The following CPVL variants were observed in gnomAD, a reference collection of about 807,000 sequenced individuals.
CPVL encodes the protein carboxypeptidase vitellogenic like.
CPVL carries 51 observed loss-of-function variants against 63.7 expected under a neutral mutation model. That is an observed-to-expected ratio of 0.80 (90% CI 0.64 to 1.01). The LOEUF (loss-of-function observed/expected upper bound fraction) is 1.01, where lower values mean the gene tolerates loss of function less well. CPVL is among the 50% of genes least tolerant of loss of function. The pLI, the probability that CPVL is intolerant of heterozygous loss-of-function variation, is 0.00. For missense variants in CPVL, 530 were observed against 573.1 expected (o/e 0.92, Z 0.77); for synonymous variants, 195 against 206.0 (o/e 0.95, Z 0.46).
intron 1 of CPVL, among the ~76,000 whole-genome samples, chr7:29,143,910 G>T (rs1463118025): frequency 6.6e-6 from 1 of 152,170 alleles, no homozygotes; most frequent in Non-Finnish European, 1.5e-5. Flanking sequence ...TCTCTTAAGG[G>T]AGAGCAATCT....
upstream of CPVL, among the ~76,000 whole-genome samples, chr7:29,148,166 C>T (rs1403407): frequency 0.095 from 14,511 of 152,140 alleles, 1,565 homozygotes; most frequent in African/African-American, 0.24. Flanking sequence ...AGGCTCAGTG[C>T]CATTTGGGGA....
At chr7:29,145,127 G>T (rs245872) in intron 1 of CPVL, among the ~76,000 whole-genome samples, 95,771 of 151,298 alleles carry the variant, frequency 0.63, 30,439 homozygotes, top group East Asian at 0.69. Context: ...CAACAAAGCC[G>T]GTGCAGTGTA....
At chr7:29,086,577 CA>C (rs779662800) in intron 6 of CPVL, 27 bp from the exon 7 acceptor site, 5 of 1,487,632 alleles carry the variant, frequency 3.4e-6, no homozygotes, top group Non-Finnish European at 4.7e-6. Context: ...AAGAACAACA[CA>C]AATTAATCAG....
At chr7:29,071,250 G>A (rs939663793) in intron 9 of CPVL, among the ~76,000 whole-genome samples, 2 of 152,328 alleles carry the variant, frequency 1.3e-5, no homozygotes, top group African/African-American at 2.4e-5. Flanking sequence ...GAAAGGATAT[G>A]CACAAATACC....
At chr7:29,059,078 A>G (rs561298465) in intron 11 of CPVL, among the ~76,000 whole-genome samples, 1 of 152,162 alleles carries the variant, frequency 6.6e-6, no homozygotes, top group Non-Finnish European at 1.5e-5. Flanking sequence ...AGTTAAGGCT[A>G]TTCAAAAAAA....
intron 10 of CPVL, among the ~76,000 whole-genome samples, chr7:29,064,529 C>A (rs971340487): frequency 1.3e-5 from 2 of 152,086 alleles, no homozygotes; most frequent in Non-Finnish European, 2.9e-5. Context: ...CCATTAGCAA[C>A]CCCACTAGAG....
intron 7 of CPVL, among the ~76,000 whole-genome samples, chr7:29,080,695 C>T (rs1784625129): frequency 6.6e-6 from 1 of 151,822 alleles, no homozygotes. Flanking sequence ...GAATAAGAAA[C>T]AAACATGGCT....
chr7:29,071,729 TG>T, intron 9 of CPVL, 43 bp downstream of exon 9: 2 of 378,432 alleles, frequency 5.3e-6, no homozygotes, highest in South Asian at 2.5e-5. Flanking sequence ...CCTCCCCAGA[TG>T]GTTTTAATTG....
intron 11 of CPVL, among the ~76,000 whole-genome samples, chr7:29,054,675 A>G (rs1237567545): frequency 6.6e-6 from 1 of 151,972 alleles, no homozygotes; most frequent in Non-Finnish European, 1.5e-5. Context: ...GATATGGCAA[A>G]TTTTCAGCCA....
intron 12 of CPVL, chr7:29,011,676 T>C (rs1042237676): frequency 2.6e-5 from 4 of 151,634 alleles, no homozygotes; most frequent in African/African-American, 7.3e-5. Context: ...TTTGCTAGGA[T>C]TGCAAATGAA....
At chr7:29,106,834 C>T (rs965640767) in intron 3 of CPVL, among the ~76,000 whole-genome samples, 10 of 152,186 alleles carry the variant, frequency 6.6e-5, no homozygotes, top group African/African-American at 2.4e-4. Flanking sequence ...TAATGCCGCA[C>T]AACATCTCTC....
At chr7:29,036,452 G>A (rs888964414) in intron 11 of CPVL, among the ~76,000 whole-genome samples, 16 of 152,252 alleles carry the variant, frequency 1.1e-4, no homozygotes, top group African/African-American at 3.9e-4. Context: ...ATATAGGGAT[G>A]GTCTTTCTGT....
intron 7 of CPVL, among the ~76,000 whole-genome samples, chr7:29,073,697 T>C (rs910194160): frequency 2.0e-5 from 3 of 152,200 alleles, no homozygotes; most frequent in African/African-American, 7.2e-5. Flanking sequence ...TTAATACTTA[T>C]CATTCTCCAA....
chr7:29,087,127 T>C (rs1425516511), intron 6 of CPVL, among the ~76,000 whole-genome samples: 1 of 152,072 alleles, frequency 6.6e-6, no homozygotes, highest in Non-Finnish European at 1.5e-5. Context: ...ACACATTTAC[T>C]AAAGAATGCT....
At chr7:29,180,196 A>C (rs11974802) in intron 5 of CPVL, among the ~76,000 whole-genome samples, 21,364 of 152,214 alleles carry the variant, frequency 0.14, 2,034 homozygotes, top group East Asian at 0.44. Context: ...TTGTGAATCA[A>C]ATTTAGAATA....
rs1477343849 is a variant in CPVL, at chr7:29,001,399, C to G, written c.1321-5517G>C. The G allele has an allele frequency of 2.0e-5, 3 of 152,216 alleles. No individual in the cohort carries two copies. The East Asian group carries it at 5.8e-4, about 29-fold the overall frequency. 9.4% of individuals were successfully genotyped at this position (152,216 alleles called of 1,614,324 possible). On this transcript the variant is annotated intron_variant, in intron 12 of 12. Transcript: ENST00000265394. ...CTGATTTACATGTAAGTTCTTTTCACTACTTTTATGCCATTCCACATTTAC... is the reference window on the plus strand; with the variant it reads ...CTGATTTACATGTAAGTTCTTTTCAGTACTTTTATGCCATTCCACATTTAC...
intron 4 of CPVL, among the ~76,000 whole-genome samples, chr7:29,183,616 GTC>G (rs1363881768): frequency 6.0e-5 from 9 of 150,888 alleles, no homozygotes; most frequent in Admixed American, 5.9e-4. Flanking sequence ...GCCTCAAGTG[GTC>G]TGCCGGTCTT....
intron 1 of CPVL, among the ~76,000 whole-genome samples, chr7:29,143,138 C>A (rs180728774): frequency 3.3e-5 from 5 of 152,192 alleles, no homozygotes; most frequent in Admixed American, 6.5e-5. Context: ...AAACTTTCTA[C>A]GATGAAATTT....
chr7:29,017,611 C>T (rs1275282719), intron 12 of CPVL, among the ~76,000 whole-genome samples: 5 of 152,156 alleles, frequency 3.3e-5, no homozygotes, highest in Admixed American at 3.3e-4. Flanking sequence ...CCAGCCTGGG[C>T]AACACAGCAG....
Sources: allele counts gnomAD v4.1 joint callset (sites outside exome capture counted in the v4.1 genomes callset), GRCh38; gene constraint gnomAD v4.1.1; transcripts MANE v1.5; gene names NCBI Gene and HGNC (gene_info 2026-07-23, HGNC 2026-07-21).